The following YWHAH variants were observed in gnomAD, a reference collection of about 807,000 sequenced individuals.
YWHAH encodes the protein 14-3-3 protein eta.
Under a neutral mutation model 22.9 loss-of-function variants are expected in YWHAH, and 6 were observed. The ratio of observed to expected loss-of-function variants is 0.26; its 90% CI spans 0.14 to 0.52. The LOEUF (loss-of-function observed/expected upper bound fraction) is 0.52, where lower values mean the gene tolerates loss of function less well. Among genes scored for constraint, YWHAH ranks in the 20% least tolerant of loss-of-function variants. The pLI is 0.97. For missense variants in YWHAH, 173 were observed against 308.6 expected (o/e 0.56, Z 3.29); for synonymous variants, 135 against 124.5 (o/e 1.08, Z -0.56).
intron 1 of YWHAH, among the ~76,000 whole-genome samples, chr22:31,955,573 G>T (rs912008840): frequency 1.3e-5 from 2 of 151,438 alleles, no homozygotes; most frequent in Non-Finnish European, 2.9e-5. Flanking sequence ...CTCCCAAGTA[G>T]CTGGGACTAC....
At position 31,956,500 on chromosome 22, in the gene YWHAH, C is replaced by T; in HGVS notation, c.449C>T (p.Ser150Phe). The change falls in exon 2 of 2, where the codon TCT (serine) becomes TTT (phenylalanine). Residue 150 changes from serine to phenylalanine, a missense_variant. Transcript: ENST00000248975. This position sits in a 1 kb window ranked among gnomAD's most constrained non-coding sequence, Gnocchi z 5.1. Reference sequence around the variant, plus strand: ...AAGAAAAACAGTGTGGTCGAAGCTTCTGAAGCTGCCTACAAGGAAGCCTTT... The same window carrying T: ...AAGAAAAACAGTGTGGTCGAAGCTTTTGAAGCTGCCTACAAGGAAGCCTTT... ...GEKKNSVVEA[S>F]EAAYKEAFEI... 1.2e-6 allele frequency: 2 copies of T among 1,614,210 alleles called. No homozygotes were observed. Among genetic ancestry groups the T allele is most frequent in the Non-Finnish European group, 1.7e-6 (2 of 1,180,036 alleles).
At chr22:31,950,422 GGTGA>G (rs747293617) in intron 1 of YWHAH, 1 of 779,054 alleles carries the variant, frequency 1.3e-6, no homozygotes, top group Non-Finnish European at 2.4e-6. Flanking sequence ...CTTCTGCGGT[GGTGA>G]GTGTTAGCAC....
chr22:31,953,091 A>G (rs2093845325), intron 1 of YWHAH, among the ~76,000 whole-genome samples: 2 of 152,180 alleles, frequency 1.3e-5, no homozygotes, highest in African/African-American at 2.4e-5. Context: ...ACTTTAAATG[A>G]TATACTCTGG....
At chr22:31,950,406 C>T (rs1323444202) in intron 1 of YWHAH, 1 of 779,582 alleles carries the variant, frequency 1.3e-6, no homozygotes, top group Non-Finnish European at 2.4e-6. Context: ...GCTGCAGTGG[C>T]ATTCCCTTCT....
intron 1 of YWHAH, among the ~76,000 whole-genome samples, chr22:31,953,682 A>C (rs1487492245): frequency 6.6e-6 from 1 of 152,196 alleles, no homozygotes; most frequent in Non-Finnish European, 1.5e-5. Flanking sequence ...GGCAGATCAC[A>C]GTGAGAGGTA....
chr22:31,954,198 C>T (rs2093846763), intron 1 of YWHAH, among the ~76,000 whole-genome samples: 1 of 152,198 alleles, frequency 6.6e-6, no homozygotes, highest in Non-Finnish European at 1.5e-5. Flanking sequence ...TCTGTCCTTA[C>T]AGATTGGTTT....
chr22:31,956,115 G>GT lies in YWHAH; in HGVS notation c.88-21dup. ...AAGATTTTCAGATTTTGCTTTCAATGTTTATCTTTTTGGGGTTTTGCAGGT... is the reference window on the plus strand; with the variant it reads ...AAGATTTTCAGATTTTGCTTTCAATGTTTTATCTTTTTGGGGTTTTGCAGGT... On this transcript the variant is annotated intron_variant, in intron 1 of 1. Coordinates refer to ENST00000248975, the MANE Select transcript of YWHAH (RefSeq NM_003405.4). This position sits in a 1 kb window ranked among gnomAD's most constrained non-coding sequence, Gnocchi z 5.1. 1.3e-6 allele frequency: 2 copies of GT among 1,562,702 alleles called. No homozygotes were observed. Among genetic ancestry groups the GT allele is most frequent in the Non-Finnish European group, 1.7e-6 (2 of 1,158,110 alleles).
intron 1 of YWHAH, among the ~76,000 whole-genome samples, chr22:31,949,236 T>G (rs1189671085): frequency 5.5e-5 from 8 of 144,582 alleles, no homozygotes; most frequent in Non-Finnish European, 1.0e-4. Context: ...GCCTCCCGGG[T>G]TCAAGCAATT....
Position 31,944,696 on chromosome 22 carries a change from C to G in YWHAH, c.-38C>G. 7.5e-7 allele frequency: 1 copy of G among 1,324,718 alleles called. No homozygotes were observed. The allele number at this position is 1,324,718 out of a possible 1,614,324, so 82.1% of individuals were successfully genotyped here. On this transcript the variant is annotated 5_prime_UTR_variant, in exon 1 of 2. Coordinates refer to ENST00000248975, the MANE Select transcript of YWHAH (RefSeq NM_003405.4). ...ACCGGCGGGAGGGCTAGCGAGCCAG[C>G]GGTGTGAGGCGCGAGGCGAGGCCGA...
intron 1 of YWHAH, among the ~76,000 whole-genome samples, chr22:31,950,999 C>T (rs1416016860): frequency 6.6e-6 from 1 of 152,130 alleles, no homozygotes; most frequent in East Asian, 1.9e-4. Flanking sequence ...TGGGTTCGAG[C>T]GATTGTCATG....
chr22:31,955,076 T>C (rs2093847866), intron 1 of YWHAH, among the ~76,000 whole-genome samples: 1 of 152,228 alleles, frequency 6.6e-6, no homozygotes, highest in Non-Finnish European at 1.5e-5. Context: ...CTTCCATCCT[T>C]GATGACCAGA....
intron 1 of YWHAH, chr22:31,945,041 C>G: frequency 9.0e-7 from 1 of 1,117,050 alleles, no homozygotes; most frequent in Non-Finnish European, 1.1e-6. Flanking sequence ...GGGTGCAGTT[C>G]GGGATCGCGA....
intron 1 of YWHAH, chr22:31,945,346 T>TG: frequency 2.4e-6 from 3 of 1,250,232 alleles, no homozygotes. Context: ...TTCCCACGCC[T>TG]GGGGGTCTGG....
rs2093850862 is a variant in YWHAH, at chr22:31,957,297, CT to C, written c.*506del. 6.5e-6 allele frequency: 1 copy of C among 153,790 alleles called. No individual in the cohort carries two copies. Among genetic ancestry groups the C allele is most frequent in the Non-Finnish European group, 1.5e-5 (1 of 68,942 alleles). 9.5% of individuals were successfully genotyped at this position (153,790 alleles called of 1,614,324 possible). On this transcript the variant is annotated 3_prime_UTR_variant, in exon 2 of 2. Coordinates refer to ENST00000248975, the MANE Select transcript of YWHAH (RefSeq NM_003405.4). ...TCCTTTCCATCAGCTTTATAATAAA[CT>C]GTTTAACGTGAGGTTTCAGTAGCTC...
intron 1 of YWHAH, among the ~76,000 whole-genome samples, chr22:31,949,136 C>CTTTTTTTTTTTTTTTTTTTTTTTTTT (rs760273556): frequency 1.0e-5 from 1 of 99,082 alleles, no homozygotes; most frequent in African/African-American, 4.6e-5. Flanking sequence ...ACATATTTTA[C>CTTTTTTTTTTTTTTTTTTTTTTTTTT]TTTTTTTTTT....
chr22:31,956,688 G>A lies in YWHAH; in HGVS notation c.637G>A (p.Glu213Lys), dbSNP rs1603056240. 2 of 1,614,048 alleles carry A rather than the reference G, an allele frequency of 1.2e-6. No individual in the cohort carries two copies. Among genetic ancestry groups the A allele is most frequent in the Non-Finnish European group, 1.7e-6 (2 of 1,180,000 alleles). Residue 213 changes from glutamate to lysine, a missense_variant, in exon 2 of 2, where the codon GAG (glutamate) becomes AAG (lysine). Transcript: ENST00000248975. The surrounding 1 kb of genome is among the most constrained non-coding windows in gnomAD (Gnocchi z 5.1). ...CATAGCTGAGCTGGACACACTAAACGAGGATTCCTATAAGGACTCCACGCT... is the reference window on the plus strand; with the variant it reads ...CATAGCTGAGCTGGACACACTAAACAAGGATTCCTATAAGGACTCCACGCT... The part of the protein sequence containing the change: ...DAIAELDTLN[E>K]DSYKDSTLIM...
chr22:31,955,169 T>G (rs933697727), intron 1 of YWHAH, among the ~76,000 whole-genome samples: 1 of 152,226 alleles, frequency 6.6e-6, no homozygotes, highest in African/African-American at 2.4e-5. Context: ...TACTTTCATG[T>G]CACTTATGAA....
chr22:31,944,764 G>A lies in YWHAH; in HGVS notation c.31G>A (p.Ala11Thr). MGDREQLLQRARLAEQAERYD... is the reference protein window; with the variant it reads MGDREQLLQRTRLAEQAERYD... ...GGACCGGGAGCAGCTGCTGCAGCGG[G>A]CGCGGCTGGCCGAGCAGGCGGAGCG... Residue 11 changes from alanine (A) to threonine (T), a missense_variant, in exon 1 of 2, where the codon GCG becomes ACG. Physicochemically the swap from Ala to Thr is moderately conservative, Grantham distance 58. Coordinates refer to ENST00000248975, the MANE Select transcript of YWHAH (RefSeq NM_003405.4). 1 of 1,421,328 alleles carries A rather than the reference G, an allele frequency of 7.0e-7. No individual in the cohort carries two copies. The highest frequency in any genetic ancestry group is 9.2e-7 in the Non-Finnish European group (1 of 1,081,770). 88.0% of individuals were successfully genotyped at this position (1,421,328 alleles called of 1,614,324 possible). A position where few individuals can be genotyped will look rare whatever the true frequency, so the allele number is the denominator to read the frequency against.
chr22:31,956,620 C>A lies in YWHAH; in HGVS notation c.569C>A (p.Pro190His). 6.2e-7 allele frequency: 1 copy of A among 1,614,104 alleles called. No homozygotes were observed. The highest frequency in any genetic ancestry group is 8.5e-7 in the Non-Finnish European group (1 of 1,180,024). The stretch of plus-strand genomic sequence containing the variant: ...TTCTACTATGAGATCCAGAATGCAC[C>A]TGAGCAAGCCTGCCTCTTAGCCAAA... The part of the protein sequence containing the change: ...SVFYYEIQNA[P>H]EQACLLAKQA... Residue 190 changes from proline to histidine, a missense_variant, in exon 2 of 2, where the codon CCT becomes CAT. Pro to His is a moderately conservative substitution (Grantham distance 77). Transcript: ENST00000248975. The surrounding 1 kb of genome is among the most constrained non-coding windows in gnomAD (Gnocchi z 5.1).
Sources: gnomAD v4.1 joint callset for allele counts (sites outside exome capture counted in the v4.1 genomes callset) on GRCh38, gnomAD v4.1.1 for gene constraint, Gnocchi (gnomAD v3.1) non-coding constraint, MANE v1.5 for transcripts, NCBI Gene and HGNC (gene_info 2026-07-23, HGNC 2026-07-21) for gene names.